LSAMP: variants seen among roughly 807,000 people sequenced by gnomAD.
LSAMP encodes limbic system associated membrane protein, also known as limbic system-associated membrane protein.
LSAMP carries 7 observed loss-of-function variants against 38.6 expected under a neutral mutation model. The observed-to-expected ratio is 0.18, with a 90% CI of 0.10 to 0.34. LSAMP has a LOEUF of 0.34. Ranked by LOEUF, LSAMP falls within the 10% of genes least tolerant of loss-of-function variation. The pLI is 1.00. For synonymous variants in LSAMP, 154 were observed against 166.8 expected, an observed-to-expected ratio of 0.92 and a Z score of 0.59; for missense variants, 313 against 420.0, an observed-to-expected ratio of 0.75 and a Z score of 2.23.
In LSAMP at chr3:115,806,286, C is replaced by T. The variant is rs1933628358; in HGVS notation, c.*4031G>A. ...ATTATTCTTAATTTGTCTTATAATACATACATTATTGTAAATATAGCATCT... is the reference window on the plus strand; with the variant it reads ...ATTATTCTTAATTTGTCTTATAATATATACATTATTGTAAATATAGCATCT... On this transcript the variant is annotated 3_prime_UTR_variant, in exon 7 of 7. Transcript: ENST00000490035. The T allele has an allele frequency of 6.6e-6, 1 of 152,142 alleles. No individual in the cohort carries two copies. The allele number at this position is 152,142 out of a possible 1,614,324, so 9.4% of individuals were successfully genotyped here.
intron 2 of LSAMP, among the ~76,000 whole-genome samples, chr3:116,039,215 CA>C (rs1941113220): frequency 6.6e-6 from 1 of 152,140 alleles, no homozygotes; most frequent in Non-Finnish European, 1.5e-5. Flanking sequence ...TTCACATAAG[CA>C]AATCTACATT....
intron 1 of LSAMP, among the ~76,000 whole-genome samples, chr3:116,111,264 TAG>T (rs1318349865): frequency 1.3e-5 from 2 of 152,210 alleles, no homozygotes; most frequent in Non-Finnish European, 2.9e-5. Flanking sequence ...GAGTTGACTA[TAG>T]GACAGTTGGC....
intron 6 of LSAMP, among the ~76,000 whole-genome samples, chr3:115,833,359 G>GT (rs59072688): frequency 0.34 from 43,180 of 127,922 alleles, 7,224 homozygotes; most frequent in Admixed American, 0.45. Flanking sequence ...TTTTAGGGAA[G>GT]TTTTTTTTTT....
At chr3:115,952,849 A>G (rs1244344182) in intron 3 of LSAMP, among the ~76,000 whole-genome samples, 1 of 152,224 alleles carries the variant, frequency 6.6e-6, no homozygotes, top group East Asian at 1.9e-4. Context: ...AACAGGAAAA[A>G]AATCAGTTCA....
chr3:116,221,941 T>C (rs1044837700), intron 1 of LSAMP, among the ~76,000 whole-genome samples: 1 of 151,820 alleles, frequency 6.6e-6, no homozygotes, highest in Non-Finnish European at 1.5e-5. Flanking sequence ...AAAAGACTTT[T>C]TGGCCACATG....
At chr3:116,300,769 G>T (rs1026103431) in intron 1 of LSAMP, among the ~76,000 whole-genome samples, 10 of 152,044 alleles carry the variant, frequency 6.6e-5, no homozygotes, top group South Asian at 2.1e-4. Flanking sequence ...AGCCCCTGGT[G>T]CCAAAAAGTT....
intron 2 of LSAMP, among the ~76,000 whole-genome samples, chr3:116,048,494 G>A (rs1483087594): frequency 6.6e-6 from 1 of 152,176 alleles, no homozygotes; most frequent in East Asian, 1.9e-4. Context: ...GTGTGACTTA[G>A]CTATGGACTA....
intron 3 of LSAMP, among the ~76,000 whole-genome samples, chr3:115,857,302 C>T (rs1396684055): frequency 6.6e-6 from 1 of 152,150 alleles, no homozygotes; most frequent in East Asian, 1.9e-4. Context: ...CGAGCCTGTC[C>T]CCAAGAGGGC....
chr3:116,113,407 TATATATATATA>T (rs1427253955), intron 1 of LSAMP, among the ~76,000 whole-genome samples: 3,389 of 64,968 alleles, frequency 0.052, 118 homozygotes, highest in Non-Finnish European at 0.07. Flanking sequence ...GCCCTATATA[TATATATATATA>T]TATTTTTTTT....
rs533580926 is a variant in LSAMP at position 116,227,986 on chromosome 3, T to C, written c.156-141430A>G. Among the ~76,000 whole-genome samples the C allele has an allele frequency of 5.9e-5, 9 of 152,278 alleles. No individual in the cohort carries two copies. The South Asian group carries it at 1.9e-3, about 32-fold the overall frequency. Reference sequence around the variant, plus strand: ...TGCATTGCTATATGCTTGTAAATAGTGACCACAGTCTGAGTATTACTTTTT... The same window carrying C: ...TGCATTGCTATATGCTTGTAAATAGCGACCACAGTCTGAGTATTACTTTTT... On this transcript the variant is annotated intron_variant, in intron 1 of 6. Transcript: ENST00000490035.
At chr3:115,819,762 G>C (rs1445588044) in intron 6 of LSAMP, among the ~76,000 whole-genome samples, 1 of 152,212 alleles carries the variant, frequency 6.6e-6, no homozygotes, top group Non-Finnish European at 1.5e-5. Flanking sequence ...CCCTATGCCT[G>C]TAATAAATCA....
intron 3 of LSAMP, among the ~76,000 whole-genome samples, chr3:115,939,550 T>TTCTTTCTTTCTC (rs1937828882): frequency 1.1e-5 from 1 of 91,774 alleles, no homozygotes; most frequent in Non-Finnish European, 2.5e-5. Context: ...CTTTCTTTCT[T>TTCTTTCTTTCTC]TCTTTCTTTC....
At chr3:115,837,435 C>T (rs907676336) in intron 6 of LSAMP, among the ~76,000 whole-genome samples, 1 of 151,874 alleles carries the variant, frequency 6.6e-6, no homozygotes, top group African/African-American at 2.4e-5. Context: ...TTATTCTCCT[C>T]CTAGACCAAA....
chr3:116,235,933 C>G (rs2046461257), intron 1 of LSAMP, among the ~76,000 whole-genome samples: 1 of 152,174 alleles, frequency 6.6e-6, no homozygotes, highest in Non-Finnish European at 1.5e-5. Context: ...AAACACTAGT[C>G]TTTCACATGT....
chr3:116,316,796 G>GAGAA (rs1207709419), intron 1 of LSAMP, among the ~76,000 whole-genome samples: 79 of 118,720 alleles, frequency 6.7e-4, no homozygotes, highest in Non-Finnish European at 2.2e-4. Flanking sequence ...AAAAAAAAAA[G>GAGAA]AGAAAGAAAG....
At chr3:116,072,657 G>T (rs142632806) in intron 2 of LSAMP, among the ~76,000 whole-genome samples, 2,229 of 151,422 alleles carry the variant, frequency 0.015, 30 homozygotes, top group Non-Finnish European at 0.024. Context: ...CAGCAATATT[G>T]AGCTTTTTTT....
chr3:115,894,873 A>T (rs1206743790), intron 3 of LSAMP, among the ~76,000 whole-genome samples: 1 of 152,030 alleles, frequency 6.6e-6, no homozygotes, highest in African/African-American at 2.4e-5. Flanking sequence ...CTTTATTTAA[A>T]TTTTAAAAAG....
chr3:116,024,662 T>A (rs1940738635), intron 2 of LSAMP, among the ~76,000 whole-genome samples: 1 of 152,138 alleles, frequency 6.6e-6, no homozygotes, highest in Admixed American at 6.5e-5. Flanking sequence ...TAGTATTTCT[T>A]TCCTAGTTTC....
At chr3:116,243,409 C>A (rs765603726) in intron 1 of LSAMP, among the ~76,000 whole-genome samples, 1 of 152,212 alleles carries the variant, frequency 6.6e-6, no homozygotes, top group Non-Finnish European at 1.5e-5. Flanking sequence ...TGAGGACTAA[C>A]TGCCTGGGGC....
Sources: gnomAD v4.1 joint callset for allele counts (sites outside exome capture counted in the v4.1 genomes callset) on GRCh38, gnomAD v4.1.1 for gene constraint, MANE v1.5 for transcripts, NCBI Gene and HGNC (gene_info 2026-07-23, HGNC 2026-07-21) for gene names.